The following KCTD16 variants were observed in gnomAD, a reference collection of about 807,000 sequenced individuals.
KCTD16 encodes the protein potassium channel tetramerization domain containing 16, also known as BTB/POZ domain-containing protein KCTD16.
Under a neutral mutation model 33.2 loss-of-function variants are expected in KCTD16, and 13 were observed. The observed-to-expected ratio is 0.39, with a 90% CI of 0.25 to 0.62. The LOEUF (loss-of-function observed/expected upper bound fraction) is 0.62. KCTD16 is among the 20% of genes least tolerant of loss of function. KCTD16 has a pLI of 0.50. For missense variants in KCTD16, 441 were observed against 525.1 expected, an observed-to-expected ratio of 0.84 and a Z score of 1.57; for synonymous variants, 197 against 195.3, an observed-to-expected ratio of 1.01 and a Z score of -0.07.
intron 3 of KCTD16, among the ~76,000 whole-genome samples, chr5:144,294,108 GA>G (rs1755971104): frequency 6.6e-6 from 1 of 152,124 alleles, no homozygotes; most frequent in Non-Finnish European, 1.5e-5. Context: ...GCAGTGAGCC[GA>G]GGTTGCCCCA....
At position 144,321,893 on chromosome 5, in the gene KCTD16, A is replaced by G. The variant is rs148744434; in HGVS notation, c.832+114347A>G. Among the ~76,000 whole-genome samples, 72 of 152,322 alleles carry G rather than the reference A, an allele frequency of 4.7e-4. No individual in the cohort carries two copies. In the East Asian group the frequency reaches 0.013, roughly 27 times the overall value. ...TTCTGTTCTTAACTTTGTCCTTGCT[A>G]TCAAAATTAGCTATATATTTTACCT... On this transcript the variant is annotated intron_variant, in intron 3 of 3. Coordinates refer to ENST00000512467, the MANE Select transcript of KCTD16 (RefSeq NM_020768.4).
intron 3 of KCTD16, among the ~76,000 whole-genome samples, chr5:144,256,416 TG>T (rs1234479541): frequency 6.6e-6 from 1 of 152,178 alleles, no homozygotes; most frequent in Non-Finnish European, 1.5e-5. Context: ...CAAAGTCTGT[TG>T]CTAAGAGAAA....
chr5:144,240,602 A>G (rs1754376947), intron 3 of KCTD16, among the ~76,000 whole-genome samples: 1 of 152,106 alleles, frequency 6.6e-6, no homozygotes, highest in Non-Finnish European at 1.5e-5. Flanking sequence ...TGTTTCCGCT[A>G]ATATTCTCTT....
chr5:144,328,281 T>C (rs557161139), intron 3 of KCTD16, among the ~76,000 whole-genome samples: 23 of 152,286 alleles, frequency 1.5e-4, no homozygotes, highest in African/African-American at 5.5e-4. Flanking sequence ...CTCAGACAAG[T>C]TTGACAATTC....
chr5:144,346,967 T>G (rs985084364), intron 3 of KCTD16, among the ~76,000 whole-genome samples: 5 of 152,146 alleles, frequency 3.3e-5, no homozygotes, highest in Non-Finnish European at 5.9e-5. Flanking sequence ...CTTTTTTTTT[T>G]GTGGTAGTTT....
chr5:144,365,836 G>C (rs1751820797), intron 3 of KCTD16, among the ~76,000 whole-genome samples: 1 of 152,176 alleles, frequency 6.6e-6, no homozygotes, highest in Admixed American at 6.5e-5. Flanking sequence ...TGTGTACCAA[G>C]TTGAACAATT....
intron 3 of KCTD16, among the ~76,000 whole-genome samples, chr5:144,337,848 C>T (rs991745250): frequency 6.1e-4 from 93 of 152,182 alleles, no homozygotes; most frequent in African/African-American, 2.1e-3. Context: ...GCCAGAGTGT[C>T]TAGGTCCAGA....
At chr5:144,284,329 G>A (rs181045499) in intron 3 of KCTD16, among the ~76,000 whole-genome samples, 14 of 152,210 alleles carry the variant, frequency 9.2e-5, no homozygotes, top group Admixed American at 7.2e-4. Flanking sequence ...CATTGATTCT[G>A]GAAAGACAAA....
At chr5:144,333,844 G>A (rs557345659) in intron 3 of KCTD16, among the ~76,000 whole-genome samples, 24 of 152,140 alleles carry the variant, frequency 1.6e-4, no homozygotes, top group South Asian at 6.2e-4. Flanking sequence ...CAGGACAGAT[G>A]AAGAACTAGG....
chr5:144,298,313 G>C (rs1441944086), intron 3 of KCTD16, among the ~76,000 whole-genome samples: 1 of 152,156 alleles, frequency 6.6e-6, no homozygotes, highest in African/African-American at 2.4e-5. Flanking sequence ...AGGACCCCTC[G>C]GTAACACCAG....
At chr5:144,181,077 C>A (rs371489958) in intron 2 of KCTD16, among the ~76,000 whole-genome samples, 2 of 151,980 alleles carry the variant, frequency 1.3e-5, no homozygotes, top group South Asian at 4.1e-4. Context: ...GGACTACAGG[C>A]GCCCACCACC....
chr5:144,306,815 C>T (rs140698726), intron 3 of KCTD16, among the ~76,000 whole-genome samples: 344 of 152,280 alleles, frequency 2.3e-3, no homozygotes, highest in Middle Eastern at 0.017. Flanking sequence ...ATTAGATACT[C>T]CAGTTATTAT....
At chr5:144,416,932 C>T (rs1212773355) in intron 3 of KCTD16, among the ~76,000 whole-genome samples, 3 of 152,100 alleles carry the variant, frequency 2.0e-5, no homozygotes, top group Non-Finnish European at 4.4e-5. Flanking sequence ...GCTCATCTAC[C>T]ATCTAGCATG....
intron 3 of KCTD16, among the ~76,000 whole-genome samples, chr5:144,368,065 T>C (rs1751878707): frequency 6.6e-6 from 1 of 152,068 alleles, no homozygotes; most frequent in Non-Finnish European, 1.5e-5. Context: ...CTCCTGTGTG[T>C]TCTCAGCAGT....
At chr5:144,176,488 C>T (rs899854208) in intron 2 of KCTD16, among the ~76,000 whole-genome samples, 29 of 149,806 alleles carry the variant, frequency 1.9e-4, no homozygotes, top group African/African-American at 2.7e-4. Flanking sequence ...CTGCAAGCTC[C>T]GCTTCCCGGG....
At position 144,340,591 on chromosome 5, in the gene KCTD16, A is replaced by G. The variant is rs76043526; in HGVS notation, c.832+133045A>G. On this transcript the variant is annotated intron_variant, in intron 3 of 3. Transcript: ENST00000512467. ...TGTTGAAGTCTTAACCCCTAATATG[A>G]TAGTATTAGGAGGTAGGGTCTTTGG... 7.3e-3 allele frequency among the ~76,000 whole-genome samples: 1,117 copies of G among 152,072 alleles called. 7 individuals are homozygous for G. The highest frequency in any genetic ancestry group is 0.012 in the Admixed American group (176 of 15,260).
At chr5:144,210,990 A>G (rs1228307868) in intron 3 of KCTD16, among the ~76,000 whole-genome samples, 1 of 152,186 alleles carries the variant, frequency 6.6e-6, no homozygotes, top group Non-Finnish European at 1.5e-5. Context: ...ACACTGATTC[A>G]TCATCTTTTC....
intron 3 of KCTD16, among the ~76,000 whole-genome samples, chr5:144,339,167 G>T (rs1309253188): frequency 6.6e-6 from 1 of 152,174 alleles, no homozygotes; most frequent in Non-Finnish European, 1.5e-5. Flanking sequence ...AGTGTATTCT[G>T]TGCATTACCT....
intron 3 of KCTD16, among the ~76,000 whole-genome samples, chr5:144,405,176 C>A (rs1232325885): frequency 6.6e-6 from 1 of 152,190 alleles, no homozygotes. Flanking sequence ...AAAGGCTAAG[C>A]TTTAAATCAT....
Sources: gnomAD v4.1 joint callset for allele counts (sites outside exome capture counted in the v4.1 genomes callset) on GRCh38, gnomAD v4.1.1 for gene constraint, MANE v1.5 for transcripts, NCBI Gene and HGNC (gene_info 2026-07-23, HGNC 2026-07-21) for gene names.